SIPA1L1: variants seen among roughly 807,000 people sequenced by gnomAD.
SIPA1L1 encodes signal induced proliferation associated 1 like 1.
SIPA1L1 carries 26 observed loss-of-function variants against 162.7 expected under a neutral mutation model. The ratio of observed to expected loss-of-function variants is 0.16; its 90% CI spans 0.12 to 0.22. The LOEUF is 0.22. Ranked by LOEUF, SIPA1L1 falls within the 10% of genes least tolerant of loss-of-function variation. SIPA1L1 has a pLI of 1.00. For missense variants in SIPA1L1, 1,874 were observed against 2,241.0 expected, an observed-to-expected ratio of 0.84 and a Z score of 3.31; for synonymous variants, 829 against 837.4, an observed-to-expected ratio of 0.99 and a Z score of 0.17.
intron 16 of SIPA1L1, among the ~76,000 whole-genome samples, chr14:71,706,820 G>A (rs967793034): frequency 2.3e-4 from 35 of 152,206 alleles, no homozygotes; most frequent in African/African-American, 8.2e-4. Context: ...GATCGCTTGA[G>A]GTCAGGAGTT....
At chr14:71,640,831 G>C (rs1434118050) in intron 7 of SIPA1L1, among the ~76,000 whole-genome samples, 2 of 152,098 alleles carry the variant, frequency 1.3e-5, no homozygotes, top group Non-Finnish European at 2.9e-5. Context: ...CACTGTGTTG[G>C]CCAAGCTGGT....
At chr14:71,552,873 G>A (rs2055992659) in intron 4 of SIPA1L1, among the ~76,000 whole-genome samples, 1 of 152,052 alleles carries the variant, frequency 6.6e-6, no homozygotes, top group Non-Finnish European at 1.5e-5. Context: ...GCACATTTCA[G>A]TGTCGAAAGT....
intron 7 of SIPA1L1, among the ~76,000 whole-genome samples, chr14:71,633,689 C>T (rs1053821613): frequency 6.6e-5 from 10 of 152,052 alleles, no homozygotes; most frequent in African/African-American, 2.4e-4. Context: ...ATGGGCTAGA[C>T]ACCCTAGAAG....
At chr14:71,462,899 A>T (rs1379771637) in intron 2 of SIPA1L1, among the ~76,000 whole-genome samples, 1 of 152,222 alleles carries the variant, frequency 6.6e-6, no homozygotes, top group Non-Finnish European at 1.5e-5. Context: ...ATTGCTTCAG[A>T]TGGGCCATAT....
Position 71,661,486 on chromosome 14 carries a change from G to T in SIPA1L1, c.2255+19G>T, listed in dbSNP as rs1215548551. 1.9e-6 allele frequency: 3 copies of T among 1,605,064 alleles called. No homozygotes were observed. The highest frequency in any genetic ancestry group is 1.7e-6 in the Non-Finnish European group (2 of 1,173,710). On this transcript the variant is annotated intron_variant, in intron 10 of 23. Transcript: ENST00000381232. ...GTTATAGGTGTGTATGGGTGTCACAGCAGGGGCTCTGTGGATGTTGGCTGG... is the reference window on the plus strand; with the variant it reads ...GTTATAGGTGTGTATGGGTGTCACATCAGGGGCTCTGTGGATGTTGGCTGG...
At chr14:71,502,387 T>A (rs1040691244) in intron 2 of SIPA1L1, among the ~76,000 whole-genome samples, 8 of 150,962 alleles carry the variant, frequency 5.3e-5, no homozygotes, top group African/African-American at 2.0e-4. Flanking sequence ...TACAGGCACA[T>A]GCTACCATGC....
At chr14:71,557,545 T>C (rs1185997729) in intron 4 of SIPA1L1, among the ~76,000 whole-genome samples, 4 of 152,232 alleles carry the variant, frequency 2.6e-5, no homozygotes, top group East Asian at 3.8e-4. Flanking sequence ...TTTGATGTGG[T>C]ACTTGAGATG....
intron 2 of SIPA1L1, among the ~76,000 whole-genome samples, chr14:71,424,993 T>G (rs1390627667): frequency 1.3e-5 from 2 of 152,094 alleles, no homozygotes; most frequent in African/African-American, 4.8e-5. Flanking sequence ...GTTGGTAACA[T>G]TTTGTATTTC....
At chr14:71,375,953 G>C (rs183106692) in intron 2 of SIPA1L1, among the ~76,000 whole-genome samples, 180 of 152,222 alleles carry the variant, frequency 1.2e-3, no homozygotes, top group African/African-American at 4.1e-3. Flanking sequence ...TATAGTATTG[G>C]ATTTAATTTG....
chr14:71,645,516 T>C (rs537288837), intron 7 of SIPA1L1, among the ~76,000 whole-genome samples: 45 of 152,372 alleles, frequency 3.0e-4, no homozygotes, highest in Non-Finnish European at 2.9e-4. Flanking sequence ...ACAGATGCTT[T>C]ATATATACGC....
chr14:71,418,460 G>A (rs1479289170), intron 2 of SIPA1L1, among the ~76,000 whole-genome samples: 3 of 152,180 alleles, frequency 2.0e-5, no homozygotes, highest in Admixed American at 6.5e-5. Flanking sequence ...TTGGAGGTCA[G>A]GGTAGGAATT....
intron 12 of SIPA1L1, among the ~76,000 whole-genome samples, chr14:71,677,134 T>C (rs2149448862): frequency 6.6e-6 from 1 of 152,370 alleles, no homozygotes; most frequent in East Asian, 1.9e-4. Flanking sequence ...CTCCAGCAGC[T>C]GTTGTTTCCT....
intron 4 of SIPA1L1, among the ~76,000 whole-genome samples, chr14:71,584,027 C>T (rs1473923698): frequency 6.6e-6 from 1 of 152,188 alleles, no homozygotes; most frequent in Non-Finnish European, 1.5e-5. Flanking sequence ...CTGTCTCATC[C>T]TAATACACTC....
intron 4 of SIPA1L1, among the ~76,000 whole-genome samples, chr14:71,578,585 A>G (rs2033461947): frequency 6.6e-6 from 1 of 152,220 alleles, no homozygotes; most frequent in Non-Finnish European, 1.5e-5. Context: ...CATAGTTTGT[A>G]TGTTACATGT....
At chr14:71,691,515 C>T (rs1303142182) in intron 13 of SIPA1L1, among the ~76,000 whole-genome samples, 1 of 152,160 alleles carries the variant, frequency 6.6e-6, no homozygotes. Context: ...ATCACCTGAG[C>T]CTGGGCATTT....
chr14:71,726,030 G>A (rs1356074256), intron 19 of SIPA1L1, among the ~76,000 whole-genome samples: 1 of 152,166 alleles, frequency 6.6e-6, no homozygotes, highest in Non-Finnish European at 1.5e-5. Flanking sequence ...CCATGCTAGC[G>A]TGTGTGTGCG....
rs2034914504 is a variant in SIPA1L1, at chr14:71,588,825, C to T, written c.953C>T (p.Ser318Leu). ...GKSSDLEDNR[S>L]EDSVRPWTCP... ...TCATCAGATCTTGAAGATAACCGAT[C>T]AGAAGACTCTGTCAGGCCCTGGACA... The change falls in exon 5 of 24, where the codon TCA becomes TTA. Residue 318 changes from serine to leucine, a missense_variant. Physicochemically the swap from Ser to Leu is moderately radical, Grantham distance 145 (BLOSUM62 -2). Coordinates refer to ENST00000381232, the MANE Select transcript of SIPA1L1 (RefSeq NM_001386936.1). This position sits in a 1 kb window ranked among gnomAD's most constrained non-coding sequence, Gnocchi z 4.3. 3 of 1,614,114 alleles carry T rather than the reference C, an allele frequency of 1.9e-6. No homozygotes were observed. Among genetic ancestry groups the T allele is most frequent in the Non-Finnish European group, 2.5e-6 (3 of 1,179,996 alleles).
intron 2 of SIPA1L1, among the ~76,000 whole-genome samples, chr14:71,457,538 C>T (rs2046275729): frequency 6.6e-6 from 1 of 152,066 alleles, no homozygotes. Context: ...ACCTTGTGAT[C>T]TGCCTGCCTT....
At position 71,345,498 on chromosome 14, in the gene SIPA1L1, AT is replaced by A. The variant is rs541123073; in HGVS notation, c.-465+24322del. Among the ~76,000 whole-genome samples the A allele has an allele frequency of 3.6e-4, 54 of 148,924 alleles. No homozygotes were observed. In the East Asian group the frequency reaches 9.9e-3, roughly 27 times the overall value. ...AGCTTTGCCAAAGCATATTAAAATTATTTTTCTGTATTTGCTTCATTAGACC... is the reference window on the plus strand; with the variant it reads ...AGCTTTGCCAAAGCATATTAAAATTATTTTCTGTATTTGCTTCATTAGACC... On this transcript the variant is annotated intron_variant, in intron 2 of 23. Coordinates refer to ENST00000381232, the MANE Select transcript of SIPA1L1 (RefSeq NM_001386936.1).
Sources: allele counts gnomAD v4.1 joint callset (sites outside exome capture counted in the v4.1 genomes callset), GRCh38; gene constraint gnomAD v4.1.1; non-coding constraint Gnocchi (gnomAD v3.1); transcripts MANE v1.5; gene names NCBI Gene and HGNC (gene_info 2026-07-23, HGNC 2026-07-21).